The following PPP4R2 variants were observed in gnomAD, a reference collection of about 807,000 sequenced individuals.
PPP4R2 encodes protein phosphatase 4 regulatory subunit 2.
Under a neutral mutation model 47.2 loss-of-function variants are expected in PPP4R2, and 13 were observed. That is an observed-to-expected ratio of 0.28 (90% confidence interval 0.18 to 0.44). PPP4R2 has a LOEUF of 0.44. Among genes scored for constraint, PPP4R2 ranks in the 20% least tolerant of loss-of-function variants. The pLI is 1.00. For synonymous variants in PPP4R2, 151 were observed against 163.3 expected, an observed-to-expected ratio of 0.92 and a Z score of 0.57; for missense variants, 421 against 491.2, an observed-to-expected ratio of 0.86 and a Z score of 1.35.
chr3:73,052,283 A>G (rs1294077438), intron 3 of PPP4R2, among the ~76,000 whole-genome samples: 3 of 113,296 alleles, frequency 2.6e-5, no homozygotes, highest in African/African-American at 1.0e-4. Flanking sequence ...TTTTAAAATT[A>G]CTTTGGAACT....
intron 2 of PPP4R2, among the ~76,000 whole-genome samples, chr3:73,006,950 C>T (rs1011324301): frequency 1.3e-5 from 2 of 151,944 alleles, no homozygotes; most frequent in Non-Finnish European, 2.9e-5. Context: ...CTTTTTGAGT[C>T]TGTGGGAATA....
At chr3:73,019,259 C>T (rs926953789) in intron 2 of PPP4R2, among the ~76,000 whole-genome samples, 2 of 152,150 alleles carry the variant, frequency 1.3e-5, no homozygotes, top group African/African-American at 4.8e-5. Flanking sequence ...GTGATGTTCA[C>T]ACATTGGAAT....
At chr3:73,012,219 A>C (rs575111598) in intron 2 of PPP4R2, among the ~76,000 whole-genome samples, 1 of 152,342 alleles carries the variant, frequency 6.6e-6, no homozygotes, top group Non-Finnish European at 1.5e-5. Context: ...ATGATACGTA[A>C]ATAGTTTTTA....
Position 72,998,107 on chromosome 3 carries a change from G to A in PPP4R2, c.65G>A (p.Cys22Tyr). ...DFEKRGKKEV[C>Y]PVLDQFLCHV... ...GAGAAGAGGGGGAAAAAGGAAGTTT[G>A]TCCTGTCCTGGATCAGTTTCTTTGT... The change falls in exon 2 of 9, where the codon TGT becomes TAT. Residue 22 changes from cysteine (C) to tyrosine (Y), a missense_variant. Transcript: ENST00000356692. 6.2e-7 allele frequency: 1 copy of A among 1,605,974 alleles called. No homozygotes were observed. Among genetic ancestry groups the A allele is most frequent in the Non-Finnish European group, 8.5e-7 (1 of 1,177,550 alleles).
intron 2 of PPP4R2, among the ~76,000 whole-genome samples, chr3:73,020,672 T>TTTA (rs59905202): frequency 7.5e-6 from 1 of 133,206 alleles, no homozygotes. Flanking sequence ...CCTGTCTCTT[T>TTTA]AAAAAAAAAA....
intron 2 of PPP4R2, among the ~76,000 whole-genome samples, chr3:73,038,331 A>G (rs1575867734): frequency 6.6e-6 from 1 of 152,070 alleles, no homozygotes; most frequent in Non-Finnish European, 1.5e-5. Context: ...GGAGGAGTCT[A>G]TGTTGGTATA....
At chr3:73,016,842 A>G (rs1701849675) in intron 2 of PPP4R2, among the ~76,000 whole-genome samples, 1 of 130,640 alleles carries the variant, frequency 7.7e-6, no homozygotes, top group Non-Finnish European at 1.6e-5. Flanking sequence ...TTTTAAATAC[A>G]GAGTCTCACT....
Position 73,005,062 on chromosome 3 carries a change from G to A in PPP4R2, c.116+6904G>A, listed in dbSNP as rs151222395. 3.0e-3 allele frequency among the ~76,000 whole-genome samples: 446 copies of A among 150,452 alleles called. 2 individuals carry two copies. The highest frequency in any genetic ancestry group is 4.7e-3 in the Admixed American group (71 of 15,052). Reference sequence around the variant, plus strand: ...GCCATCTCCGCTAACCGCAATCTCCGCCTCCCAGTAGCTGGCATTACAGGT... The same window carrying A: ...GCCATCTCCGCTAACCGCAATCTCCACCTCCCAGTAGCTGGCATTACAGGT... On this transcript the variant is annotated intron_variant, in intron 2 of 8. Coordinates refer to ENST00000356692, the MANE Select transcript of PPP4R2 (RefSeq NM_174907.4).
At position 73,047,166 on chromosome 3, in the gene PPP4R2, T is replaced by G; in HGVS notation, c.117-20T>G. ...GTGAAGCTACATGGTATTATATATT[T>G]TTTAATTTTTTGCTTATAGGATTCA... On this transcript the variant is annotated intron_variant, in intron 2 of 8. Transcript: ENST00000356692. 2 of 1,421,624 alleles carry G rather than the reference T, an allele frequency of 1.4e-6. No homozygotes were observed. Among genetic ancestry groups the G allele is most frequent in the Non-Finnish European group, 1.9e-6 (2 of 1,045,234 alleles). 88.1% of individuals were successfully genotyped at this position (1,421,624 alleles called of 1,614,324 possible).
chr3:73,021,856 G>A (rs1485297206), intron 2 of PPP4R2, among the ~76,000 whole-genome samples: 1 of 137,142 alleles, frequency 7.3e-6, no homozygotes, highest in African/African-American at 2.8e-5. Context: ...ATATGTGTGT[G>A]TGTGTGTGTG....
intron 4 of PPP4R2, 98 bp downstream of exon 4, chr3:73,059,228 T>C: frequency 1.7e-6 from 1 of 590,984 alleles, no homozygotes; most frequent in Non-Finnish European, 2.8e-6. Context: ...TACCACTTCT[T>C]GAAATATGTT....
rs566233295 is a variant in PPP4R2, at chr3:73,069,044, A to G, written c.*3322A>G. On this transcript the variant is annotated 3_prime_UTR_variant, in exon 9 of 9. Transcript: ENST00000356692. ...TAGGTTTGCTGGGTTTTGGCCTAAT[A>G]AGAGTGCTAGTATGTATTGGTTAGA... 6.6e-6 allele frequency: 1 copy of G among 152,218 alleles called. No individual in the cohort carries two copies. The highest frequency in any genetic ancestry group is 1.5e-5 in the Non-Finnish European group (1 of 67,976). 9.4% of individuals were successfully genotyped at this position (152,218 alleles called of 1,614,324 possible). A position where few individuals can be genotyped will look rare whatever the true frequency, so the allele number is the denominator to read the frequency against.
intron 2 of PPP4R2, among the ~76,000 whole-genome samples, chr3:73,020,891 A>G (rs1262059450): frequency 1.3e-5 from 2 of 151,918 alleles, no homozygotes; most frequent in South Asian, 2.1e-4. Flanking sequence ...GTGTCTTCTT[A>G]TAAGGGTCCT....
intron 2 of PPP4R2, among the ~76,000 whole-genome samples, chr3:73,013,478 C>T (rs1198740754): frequency 8.3e-6 from 1 of 120,610 alleles, no homozygotes; most frequent in East Asian, 2.2e-4. Context: ...TCTCATTTTA[C>T]AAAAATGTAA....
intron 2 of PPP4R2, among the ~76,000 whole-genome samples, chr3:73,019,553 TA>T (rs1701917876): frequency 6.6e-6 from 1 of 152,260 alleles, no homozygotes; most frequent in Non-Finnish European, 1.5e-5. Context: ...TTTGTATTTT[TA>T]GTAGAGACGG....
intron 2 of PPP4R2, among the ~76,000 whole-genome samples, chr3:73,040,499 A>ATTTTTTTTT (rs11342756): frequency 1.2e-3 from 141 of 117,536 alleles, no homozygotes; most frequent in East Asian, 2.4e-3. Flanking sequence ...ATGTGACCTA[A>ATTTTTTTTT]TTTTTTTTTT....
Position 73,065,661 on chromosome 3 carries a change from C to T in PPP4R2, c.1193C>T (p.Ser398Leu). 6.2e-7 allele frequency: 1 copy of T among 1,611,484 alleles called. No individual in the cohort carries two copies. Among genetic ancestry groups the T allele is most frequent in the African/African-American group, 1.3e-5 (1 of 74,990 alleles). ...AAAACTGGAGAGATTCTTTCAGAAT[C>T]ATCCATGGAAAATGATGACGAAGCC... ...SSKTGEILSESSMENDDEATE... is the reference protein window; with the variant it reads ...SSKTGEILSELSMENDDEATE... The change falls in exon 9 of 9, where the codon TCA becomes TTA. Residue 398 changes from serine (S) to leucine (L), a missense_variant. Around this residue, in one of 2 missense-constraint regions of PPP4R2, gnomAD observed 317 missense variants for 287.5 expected, o/e 1.10. Transcript: ENST00000356692.
chr3:73,010,010 G>A lies in PPP4R2; in HGVS notation c.116+11852G>A, dbSNP rs571185234. Among the ~76,000 whole-genome samples, 13 of 152,128 alleles carry A rather than the reference G, an allele frequency of 8.5e-5. No homozygotes were observed. In the South Asian group the frequency reaches 1.5e-3, roughly 17 times the overall value. On this transcript the variant is annotated intron_variant, in intron 2 of 8. Coordinates refer to ENST00000356692, the MANE Select transcript of PPP4R2 (RefSeq NM_174907.4). The stretch of plus-strand genomic sequence containing the variant: ...ACCACTTGCACATTCCATCCCTATC[G>A]GATACCTTGGGTAACCTATTACCTG...
chr3:73,057,171 G>A (rs1702746482), intron 3 of PPP4R2, among the ~76,000 whole-genome samples: 1 of 152,048 alleles, frequency 6.6e-6, no homozygotes. Flanking sequence ...GGGTTTCACG[G>A]ACAGACAATT....
Sources: allele counts gnomAD v4.1 joint callset (sites outside exome capture counted in the v4.1 genomes callset), GRCh38; gene constraint gnomAD v4.1.1; regional missense constraint gnomAD v4.1.1; transcripts MANE v1.5; gene names NCBI Gene and HGNC (gene_info 2026-07-23, HGNC 2026-07-21).